Variants in CD200R1 observed in about 807,000 individuals in gnomAD.
CD200R1 encodes cell surface glycoprotein CD200 receptor 1.
CD200R1 carries 30 observed loss-of-function variants against 38.1 expected under a neutral mutation model. That is an observed-to-expected ratio of 0.79 (90% CI 0.59 to 1.07). The LOEUF is 1.07. CD200R1 is among the 50% of genes least tolerant of loss of function. The pLI is 0.00. For synonymous variants in CD200R1, 128 were observed against 152.1 expected (o/e 0.84, Z 1.16); for missense variants, 372 against 415.4 (o/e 0.90, Z 0.91).
chr3:112,959,883 T>G (rs944913898), intron 1 of CD200R1, among the ~76,000 whole-genome samples: 1 of 152,138 alleles, frequency 6.6e-6, no homozygotes, highest in African/African-American at 2.4e-5. Flanking sequence ...CTTTCTTGCT[T>G]CTTTCTTGAA....
intron 1 of CD200R1, among the ~76,000 whole-genome samples, chr3:112,954,392 G>A (rs999416483): frequency 6.6e-6 from 1 of 152,166 alleles, no homozygotes; most frequent in African/African-American, 2.4e-5. Context: ...TTTTGACCCT[G>A]TTTCCTGACA....
chr3:112,933,537 C>T (rs1487446337), intron 2 of CD200R1, among the ~76,000 whole-genome samples: 1 of 152,190 alleles, frequency 6.6e-6, no homozygotes, highest in South Asian at 2.1e-4. Flanking sequence ...ACAATTGCAC[C>T]AGATATGTAG....
intron 2 of CD200R1, among the ~76,000 whole-genome samples, chr3:112,946,136 T>C: frequency 6.6e-6 from 1 of 151,608 alleles, no homozygotes; most frequent in East Asian, 1.9e-4. Flanking sequence ...ACCCCATGGA[T>C]ACCAAAATCC....
At chr3:112,937,538 C>T (rs1196589650) in intron 2 of CD200R1, among the ~76,000 whole-genome samples, 3 of 152,130 alleles carry the variant, frequency 2.0e-5, no homozygotes, top group Admixed American at 6.5e-5. Context: ...CTATTCTGTT[C>T]CATTGGTCTA....
intron 2 of CD200R1, among the ~76,000 whole-genome samples, chr3:112,943,169 AGCAT>A (rs1025581045): frequency 6.6e-6 from 1 of 151,782 alleles, no homozygotes; most frequent in Non-Finnish European, 1.5e-5. Context: ...TAACAAGAGC[AGCAT>A]ACACATTCTT....
Position 112,928,883 on chromosome 3 carries a change from C to G in CD200R1, c.702G>C (p.Val234=). ...KSTCHWEVHN[V]STVTCHVSHL... is the part of the protein sequence containing the mutation. ...GGGAGACGTGGCAGGTCACGGTAGA[C>G]ACATTGTGGACCTCCCAGTGGCATG... Residue 234 remains valine (V), a synonymous_variant, in exon 5 of 8, where the codon GTG becomes GTC. Coordinates refer to ENST00000308611, the MANE Select transcript of CD200R1 (RefSeq NM_138806.4). 1 of 1,613,922 alleles carries G rather than the reference C, an allele frequency of 6.2e-7. No homozygotes were observed. The highest frequency in any genetic ancestry group is 1.1e-5 in the South Asian group (1 of 91,066).
Position 112,943,458 on chromosome 3 carries a change from T to G in CD200R1, c.136+4398A>C, listed in dbSNP as rs1940772379. On this transcript the variant is annotated intron_variant, in intron 2 of 7. Transcript: ENST00000308611. ...AAAATGAAAACACAATTTATCAAAATTTGTGGATGCAGCAGGAGTAGTTCT... is the reference window on the plus strand; with the variant it reads ...AAAATGAAAACACAATTTATCAAAAGTTGTGGATGCAGCAGGAGTAGTTCT... Among the ~76,000 whole-genome samples the G allele has an allele frequency of 2.6e-5, 4 of 151,870 alleles. No individual in the cohort carries two copies. In the South Asian group the frequency reaches 8.3e-4, roughly 31 times the overall value.
At chr3:112,965,527 C>A (rs1019264063) in intron 1 of CD200R1, among the ~76,000 whole-genome samples, 27 of 152,124 alleles carry the variant, frequency 1.8e-4, no homozygotes, top group African/African-American at 6.5e-4. Flanking sequence ...CTCTGGGATG[C>A]CGAGGCAGGT....
At chr3:112,961,278 G>GATT (rs1262973382) in intron 1 of CD200R1, among the ~76,000 whole-genome samples, 2 of 151,952 alleles carry the variant, frequency 1.3e-5, no homozygotes, top group African/African-American at 4.8e-5. Context: ...AGGGAAAGAT[G>GATT]ATTATATATG....
At chr3:112,943,138 AC>A (rs1345584408) in intron 2 of CD200R1, among the ~76,000 whole-genome samples, 3 of 151,798 alleles carry the variant, frequency 2.0e-5, no homozygotes, top group Admixed American at 6.6e-5. Context: ...AGTATAACTG[AC>A]ATCTATAGAT....
At chr3:112,962,051 G>A (rs180784743) in intron 1 of CD200R1, among the ~76,000 whole-genome samples, 28 of 152,262 alleles carry the variant, frequency 1.8e-4, no homozygotes, top group African/African-American at 6.5e-4. Flanking sequence ...AATTTAGAAA[G>A]CAGTAAGTAT....
At chr3:112,960,552 A>G (rs1007611956) in intron 1 of CD200R1, among the ~76,000 whole-genome samples, 3 of 152,066 alleles carry the variant, frequency 2.0e-5, no homozygotes, top group Non-Finnish European at 4.4e-5. Context: ...AATAAATGAA[A>G]GAAGTTATAA....
rs1449045099 is a variant in CD200R1 at position 112,934,103 on chromosome 3, A to ATCTC, written c.137-2933_137-2932insGAGA. On this transcript the variant is annotated intron_variant, in intron 2 of 7. Coordinates refer to ENST00000308611, the MANE Select transcript of CD200R1 (RefSeq NM_138806.4). ...CAGAAAACTTTCCAAGTTTTGGGAG[A>ATCTC]GAGAGAGAGATTCAGATCCAAGAAG... Among the ~76,000 whole-genome samples the ATCTC allele has an allele frequency of 7.2e-5, 11 of 152,266 alleles. No individual in the cohort carries two copies. In the South Asian group the frequency reaches 2.3e-3, roughly 32 times the overall value.
chr3:112,948,086 T>C (rs1940903236), intron 1 of CD200R1, among the ~76,000 whole-genome samples, 162 bp from the exon 2 acceptor site: 1 of 152,156 alleles, frequency 6.6e-6, no homozygotes, highest in Non-Finnish European at 1.5e-5. Flanking sequence ...CTTGGCAAAA[T>C]TTGTCCCAGT....
intron 2 of CD200R1, among the ~76,000 whole-genome samples, chr3:112,933,828 T>C (rs778102178): frequency 1.3e-4 from 20 of 151,856 alleles, no homozygotes; most frequent in Non-Finnish European, 2.1e-4. Flanking sequence ...AAGAAGTCAA[T>C]GAATGAAATA....
intron 1 of CD200R1, among the ~76,000 whole-genome samples, chr3:112,962,499 C>T (rs1933047999): frequency 6.6e-6 from 1 of 152,000 alleles, no homozygotes; most frequent in Admixed American, 6.6e-5. Context: ...AAATAATATA[C>T]AAGAAGAGCT....
At chr3:112,951,602 T>C (rs1471247321) in intron 1 of CD200R1, among the ~76,000 whole-genome samples, 1 of 151,726 alleles carries the variant, frequency 6.6e-6, no homozygotes, top group African/African-American at 2.4e-5. Flanking sequence ...AGAAGTAAAA[T>C]ATTAGGCATA....
Position 112,928,986 on chromosome 3 carries a change from T to C in CD200R1, c.599A>G (p.His200Arg), listed in dbSNP as rs758409430. ...CKAVAGKPAA[H>R]ISWIPEGDCA... ...ATCGCCCTCTGGGATCCAGGAGATA[T>C]GCGCAGCTGGCTTCCCTGCAACTGC... is the stretch of plus-strand genomic sequence containing the variant. Residue 200 changes from histidine to arginine, a missense_variant, in exon 5 of 8, where the codon CAT (histidine) becomes CGT (arginine). Physicochemically the swap from His to Arg is conservative, Grantham distance 29. Coordinates refer to ENST00000308611, the MANE Select transcript of CD200R1 (RefSeq NM_138806.4). The C allele has an allele frequency of 2.5e-6, 4 of 1,614,004 alleles. No homozygotes were observed. Among genetic ancestry groups the C allele is most frequent in the East Asian group, 2.2e-5 (1 of 44,872 alleles).
chr3:112,934,639 G>A (rs139655661), intron 2 of CD200R1, among the ~76,000 whole-genome samples: 25 of 152,164 alleles, frequency 1.6e-4, no homozygotes, highest in East Asian at 3.9e-4. Flanking sequence ...AGACTAGCCC[G>A]GCCAACATGA....
Sources: allele counts gnomAD v4.1 joint callset (sites outside exome capture counted in the v4.1 genomes callset), GRCh38; gene constraint gnomAD v4.1.1; transcripts MANE v1.5; gene names NCBI Gene and HGNC (gene_info 2026-07-23, HGNC 2026-07-21).